The following CNTRL variants were observed in gnomAD, a reference collection of about 807,000 sequenced individuals.
CNTRL encodes the protein centriolin, also known as 110 kDa centrosomal protein.
In CNTRL, 233 loss-of-function variants were observed where a neutral mutation model predicts 303.7. That is an observed-to-expected ratio of 0.77 (90% CI 0.69 to 0.86). The LOEUF (loss-of-function observed/expected upper bound fraction) is 0.86. Among genes scored for constraint, CNTRL ranks in the 40% least tolerant of loss-of-function variants. The pLI is 0.00. For synonymous variants in CNTRL, 900 were observed against 922.2 expected (o/e 0.98, Z 0.44); for missense variants, 2,524 against 2,650.6 (o/e 0.95, Z 1.05).
chr9:121,141,642 T>A, intron 18 of CNTRL, 54 bp downstream of exon 18: 1 of 1,474,184 alleles, frequency 6.8e-7, no homozygotes, highest in Middle Eastern at 1.7e-4. Flanking sequence ...ATATTAATGT[T>A]TTTCAGCAAA....
chr9:121,163,345 ATATT>A (rs1486664314), intron 34 of CNTRL, among the ~76,000 whole-genome samples: 1 of 148,764 alleles, frequency 6.7e-6, no homozygotes, highest in Non-Finnish European at 1.5e-5. Flanking sequence ...ATATATATAC[ATATT>A]TATTTTATAT....
intron 5 of CNTRL, among the ~76,000 whole-genome samples, chr9:121,095,484 A>G (rs2048850674): frequency 6.6e-6 from 1 of 152,156 alleles, no homozygotes; most frequent in African/African-American, 2.4e-5. Context: ...TTACTGTGAG[A>G]AATAAACATA....
rs780468096 is a variant in CNTRL at position 121,173,386 on chromosome 9, A to G, written c.6561A>G (p.Glu2187=). ...QFLPELPADL[E]AILERNENLE... The stretch of plus-strand genomic sequence containing the variant: ...TTCCAGAACTACCAGCAGATCTAGA[A>G]GCTATTTTGGAAAGAAACGAAAACC... The change falls in exon 41 of 44, where the codon GAA becomes GAG. Residue 2187 remains glutamate (E), a synonymous_variant. Coordinates refer to ENST00000373855, the MANE Select transcript of CNTRL (RefSeq NM_007018.6). 3 of 1,614,182 alleles carry G rather than the reference A, an allele frequency of 1.9e-6. No individual in the cohort carries two copies. The highest frequency in any genetic ancestry group is 2.5e-6 in the Non-Finnish European group (3 of 1,180,040).
intron 8 of CNTRL, among the ~76,000 whole-genome samples, chr9:121,109,424 T>C (rs1396941453): frequency 6.6e-6 from 1 of 152,172 alleles, no homozygotes; most frequent in East Asian, 1.9e-4. Context: ...AAAATATGTG[T>C]ACATGCATGT....
chr9:121,158,205 A>G (rs546662897), intron 30 of CNTRL, 96 bp downstream of exon 30: 14 of 1,408,028 alleles, frequency 9.9e-6, no homozygotes, highest in African/African-American at 5.8e-5. Context: ...AAATGCGGCT[A>G]TGTATTATAG....
intron 7 of CNTRL, among the ~76,000 whole-genome samples, chr9:121,106,830 A>G (rs1403414253): frequency 6.6e-6 from 1 of 152,140 alleles, no homozygotes; most frequent in Admixed American, 6.6e-5. Context: ...TATGTTTTGG[A>G]ATCATTAAAA....
At chr9:121,162,374 C>A in intron 34 of CNTRL, 103 bp downstream of exon 34, 1 of 943,580 alleles carries the variant, frequency 1.1e-6, no homozygotes, top group Non-Finnish European at 1.7e-6. Flanking sequence ...ATAAAATACA[C>A]CACAAACTTG....
intron 26 of CNTRL, 24 bp from the exon 27 acceptor site, chr9:121,154,672 TATTGTCTACATTTAACATTTTTTAA>T (rs775437571): frequency 8.9e-7 from 1 of 1,124,812 alleles, no homozygotes. Flanking sequence ...CAAGTATCTG[TATTGTCTACATTTAACATTTTTTAA>T]TGGGTGTATA....
chr9:121,144,448 G>T (rs2051712492), intron 20 of CNTRL, among the ~76,000 whole-genome samples: 1 of 152,156 alleles, frequency 6.6e-6, no homozygotes, highest in Admixed American at 6.6e-5. Context: ...GCAGTCATGT[G>T]AAAATGTTAC....
intron 14 of CNTRL, among the ~76,000 whole-genome samples, chr9:121,131,805 G>C (rs989630549): frequency 8.5e-5 from 13 of 152,180 alleles, no homozygotes; most frequent in Non-Finnish European, 1.8e-4. Context: ...GCTTCCTTCA[G>C]GAGCTCTTGT....
chr9:121,081,413 G>GACAAT (rs2048136697), intron 2 of CNTRL, among the ~76,000 whole-genome samples: 1 of 152,146 alleles, frequency 6.6e-6, no homozygotes, highest in Non-Finnish European at 1.5e-5. Context: ...TTCTGACACT[G>GACAAT]TCTGCCTGAA....
rs760864336 is a variant in CNTRL, at chr9:121,154,918, GTCT to G, written c.4365+10_4365+12del. The G allele has an allele frequency of 1.1e-5, 17 of 1,613,780 alleles. No individual in the cohort carries two copies. The East Asian group carries it at 1.1e-4, about 11-fold the overall frequency. On this transcript the variant is annotated splice_donor_region_variant and intron_variant, in intron 27 of 43. Transcript: ENST00000373855. Reference sequence around the variant, plus strand: ...CTTTCATGCACTAAAGAAAAGGTTTGTCTTCTTGTGGTTTGGGGTGTGAGCTCA... The same window carrying G: ...CTTTCATGCACTAAAGAAAAGGTTTGTCTTGTGGTTTGGGGTGTGAGCTCA...
Position 121,074,999 on chromosome 9 carries a change from T to A in CNTRL, c.-273T>A, listed in dbSNP as rs1395470462. ...AATGGCTGCCGCGCCGCTGGGCCCCTGAGGAAAGAGCCCGAACTTCTCCCG... is the reference window on the plus strand; with the variant it reads ...AATGGCTGCCGCGCCGCTGGGCCCCAGAGGAAAGAGCCCGAACTTCTCCCG... On this transcript the variant is annotated 5_prime_UTR_variant, in exon 1 of 44. It removes the in-frame stop codon of an upstream open reading frame in the 5' UTR. Transcript: ENST00000373855. 2.2e-6 allele frequency: 1 copy of A among 455,210 alleles called. No homozygotes were observed. Among genetic ancestry groups the A allele is most frequent in the South Asian group, 1.6e-5 (1 of 64,478 alleles). The allele number at this position is 455,210 out of a possible 1,614,324, so 28.2% of individuals were successfully genotyped here.
intron 1 of CNTRL, among the ~76,000 whole-genome samples, chr9:121,075,554 C>CT (rs2047887621): frequency 6.6e-6 from 1 of 152,178 alleles, no homozygotes; most frequent in Admixed American, 6.5e-5. Context: ...AGAACAAACA[C>CT]TTCCGTTATA....
At chr9:121,173,764 C>A in intron 42 of CNTRL, 27 bp downstream of exon 42, 1 of 1,606,492 alleles carries the variant, frequency 6.2e-7, no homozygotes, top group South Asian at 1.1e-5. Flanking sequence ...AACAAAAAAT[C>A]AGTATGAGAT....
intron 2 of CNTRL, among the ~76,000 whole-genome samples, chr9:121,087,198 A>G (rs904079937): frequency 2.0e-5 from 3 of 152,192 alleles, no homozygotes; most frequent in Non-Finnish European, 4.4e-5. Context: ...GGGAGGTGTC[A>G]GGAATGACTC....
chr9:121,094,751 G>C (rs2048817340), intron 4 of CNTRL, 137 bp from the exon 5 acceptor site: 1 of 566,946 alleles, frequency 1.8e-6, no homozygotes, highest in African/African-American at 1.9e-5. Context: ...CTGCATCAAG[G>C]GATTCTCCAG....
rs1252467092 is a variant in CNTRL at position 121,143,935 on chromosome 9, A to G, written c.2904A>G (p.Gln968=). Reference sequence around the variant, plus strand: ...TTGAAGATGCCAAATCTCAGGAGCAAGTTTTTGGTTTAGATAAAGAACTGA... The same window carrying G: ...TTGAAGATGCCAAATCTCAGGAGCAGGTTTTTGGTTTAGATAAAGAACTGA... ...KKLEDAKSQE[Q]VFGLDKELKK... The change falls in exon 20 of 44, where the codon CAA becomes CAG. Residue 968 remains glutamine (Q), a synonymous_variant. Coordinates refer to ENST00000373855, the MANE Select transcript of CNTRL (RefSeq NM_007018.6). 1 of 1,602,424 alleles carries G rather than the reference A, an allele frequency of 6.2e-7. No homozygotes were observed. The highest frequency in any genetic ancestry group is 1.8e-5 in the Admixed American group (1 of 56,166).
At chr9:121,096,369 G>T in intron 5 of CNTRL, 53 bp from the exon 6 acceptor site, 1 of 1,136,254 alleles carries the variant, frequency 8.8e-7, no homozygotes. Flanking sequence ...AAATACAATG[G>T]AGAGACTCTA....
Sources: gnomAD v4.1 joint callset for allele counts (sites outside exome capture counted in the v4.1 genomes callset) on GRCh38, gnomAD v4.1.1 for gene constraint, MANE v1.5 for transcripts, NCBI Gene and HGNC (gene_info 2026-07-23, HGNC 2026-07-21) for gene names.